Variants in PCDHA6 observed in about 807,000 individuals in gnomAD.
PCDHA6 encodes protocadherin alpha-6.
A neutral mutation model predicts 60.3 loss-of-function variants in PCDHA6; 55 were observed. The ratio of observed to expected loss-of-function variants is 0.91; its 90% CI spans 0.73 to 1.14. The LOEUF is 1.14. PCDHA6 is among the 50% of genes most tolerant of loss of function. The pLI is 0.00. For missense variants in PCDHA6, 1,327 were observed against 1,256.5 expected, an observed-to-expected ratio of 1.06 and a Z score of -0.85; for synonymous variants, 652 against 557.9, an observed-to-expected ratio of 1.17 and a Z score of -2.38.
Position 140,841,181 on chromosome 5 carries a change from CAA to C in PCDHA6, c.2394+10698_2394+10699del, listed in dbSNP as rs1777074399. The C allele has an allele frequency of 1.0e-5, 12 of 1,156,490 alleles. 1 individual carries two copies. The highest frequency in any genetic ancestry group is 1.6e-5 in the South Asian group (1 of 61,808). 71.6% of individuals were successfully genotyped at this position (1,156,490 alleles called of 1,614,324 possible). On this transcript the variant is annotated intron_variant, in intron 1 of 3. Transcript: ENST00000529310. ...CAAGAAGTTCTGGTTGGTCAATGTTCAAAGTCTTTTCTCTGACAGCATCTGTC... is the reference window on the plus strand; with the variant it reads ...CAAGAAGTTCTGGTTGGTCAATGTTCAGTCTTTTCTCTGACAGCATCTGTC...
chr5:140,841,942 G>T (rs2150326049), intron 1 of PCDHA6: 2 of 1,613,920 alleles, frequency 1.2e-6, no homozygotes, highest in Non-Finnish European at 1.7e-6. Flanking sequence ...ACGCTCCTGC[G>T]CACCACTTAT....
chr5:140,829,909 G>A lies in PCDHA6; in HGVS notation c.1818G>A (p.Trp606Ter). Residue 606 changes from tryptophan to a stop codon, truncating the protein, a stop_gained, in exon 1 of 4, where the codon TGG (tryptophan) becomes TGA (stop). Transcript: ENST00000529310. LOFTEE classifies it high-confidence loss of function. Reference sequence around the variant, plus strand: ...ACGCCGACTCAGGCTACAACGCGTGGCTTTCGTATGAGCTGCAGCCCCCGG... The same window carrying A: ...ACGCCGACTCAGGCTACAACGCGTGACTTTCGTATGAGCTGCAGCCCCCGG... ...AVDADSGYNA[W>*]LSYELQPPAS... 1 of 1,613,992 alleles carries A rather than the reference G, an allele frequency of 6.2e-7. No individual in the cohort carries two copies. Among genetic ancestry groups the A allele is most frequent in the Non-Finnish European group, 8.5e-7 (1 of 1,179,904 alleles).
chr5:140,896,432 G>C (rs2065542713), intron 1 of PCDHA6, among the ~76,000 whole-genome samples: 1 of 152,008 alleles, frequency 6.6e-6, no homozygotes, highest in African/African-American at 2.4e-5. Context: ...ATTCTGACTG[G>C]TGTGACTGCA....
chr5:140,862,343 A>G (rs1347322739), intron 1 of PCDHA6: 1 of 331,934 alleles, frequency 3.0e-6, no homozygotes, highest in Non-Finnish European at 5.9e-6. Flanking sequence ...CCCTAACTTC[A>G]GTGCCAAGGG....
intron 3 of PCDHA6, among the ~76,000 whole-genome samples, chr5:140,999,861 A>G (rs1181249308): frequency 6.6e-6 from 1 of 152,184 alleles, no homozygotes; most frequent in Non-Finnish European, 1.5e-5. Flanking sequence ...TTCCGCTCCA[A>G]GATTACTGAA....
At chr5:140,989,171 G>A (rs2097331816) in intron 3 of PCDHA6, among the ~76,000 whole-genome samples, 1 of 152,116 alleles carries the variant, frequency 6.6e-6, no homozygotes, top group African/African-American at 2.4e-5. Flanking sequence ...GCATAAAACA[G>A]GAGAGTTTCT....
chr5:140,851,967 A>G, intron 1 of PCDHA6: 1 of 977,046 alleles, frequency 1.0e-6, no homozygotes, highest in Non-Finnish European at 1.2e-6. Flanking sequence ...GGTTTTCCAC[A>G]CTCTACCTTT....
intron 1 of PCDHA6, chr5:140,927,763 G>C (rs1554205034): frequency 6.2e-7 from 1 of 1,614,198 alleles, no homozygotes; most frequent in African/African-American, 1.3e-5. Context: ...CCCTAAAAGT[G>C]GGGAGGTGCA....
In PCDHA6 at chr5:140,829,829, C is replaced by G. The variant is rs2150175564; in HGVS notation, c.1738C>G (p.Leu580Val). The G allele has an allele frequency of 1.2e-5, 19 of 1,613,904 alleles. No individual in the cohort carries two copies. In the East Asian group the frequency reaches 3.6e-4, roughly 30 times the overall value. ...TGGTACTGGTGGTGCAGTGAGCGAG[C>G]TGGTGCCGCGGTCACTGGGTGCAGG... The part of the protein sequence containing the change: ...VGGTGGAVSE[L>V]VPRSLGAGQV... Residue 580 changes from leucine to valine, a missense_variant, in exon 1 of 4, where the codon CTG becomes GTG. Transcript: ENST00000529310.
chr5:140,929,074 G>T, intron 1 of PCDHA6: 2 of 1,614,182 alleles, frequency 1.2e-6, no homozygotes, highest in South Asian at 2.2e-5. Flanking sequence ...TCTGAGGTAT[G>T]GAAGTAAGAT....
chr5:140,923,459 G>T (rs549692824), intron 1 of PCDHA6, among the ~76,000 whole-genome samples: 6 of 152,192 alleles, frequency 3.9e-5, no homozygotes, highest in Admixed American at 3.9e-4. Flanking sequence ...GCCCAGAGAG[G>T]TAGGGGCTGC....
At chr5:140,836,233 G>A in intron 1 of PCDHA6, 5 of 1,613,764 alleles carry the variant, frequency 3.1e-6, no homozygotes, top group Non-Finnish European at 4.2e-6. Flanking sequence ...GTGGCGGCCG[G>A]TGCGAGCATC....
chr5:140,906,804 C>T (rs1254520665), intron 1 of PCDHA6, among the ~76,000 whole-genome samples: 3 of 152,224 alleles, frequency 2.0e-5, no homozygotes, highest in Non-Finnish European at 4.4e-5. Context: ...CATACTCTTC[C>T]TTACCTCCAC....
intron 1 of PCDHA6, among the ~76,000 whole-genome samples, chr5:140,910,110 G>A (rs964418352): frequency 6.6e-6 from 1 of 152,194 alleles, no homozygotes; most frequent in South Asian, 2.1e-4. Flanking sequence ...TCATTTAAGG[G>A]ATTCTAGGTC....
intron 1 of PCDHA6, chr5:140,969,451 T>C (rs1016577934): frequency 3.3e-6 from 5 of 1,511,952 alleles, no homozygotes; most frequent in Non-Finnish European, 3.6e-6. Context: ...GTAAACTGAG[T>C]ATATATAGTA....
intron 1 of PCDHA6, among the ~76,000 whole-genome samples, chr5:140,938,308 T>C (rs1468853140): frequency 6.6e-6 from 1 of 152,212 alleles, no homozygotes; most frequent in Admixed American, 6.5e-5. Context: ...AAATTCAGTA[T>C]AAAATTGAAT....
At chr5:140,908,384 C>T (rs573373685) in intron 1 of PCDHA6, among the ~76,000 whole-genome samples, 2 of 152,172 alleles carry the variant, frequency 1.3e-5, no homozygotes, top group African/African-American at 2.4e-5. Flanking sequence ...TGCTCGAGCC[C>T]GATCACATAT....
rs200797202 is a variant in PCDHA6 at position 140,937,911 on chromosome 5, C to CA, written c.2395-41022dup. On this transcript the variant is annotated intron_variant, in intron 1 of 3. Coordinates refer to ENST00000529310, the MANE Select transcript of PCDHA6 (RefSeq NM_018909.4). ...TGGGCGACAGAGTGAGACTCCGTCT[C>CA]AAAAAAAAAAAAAAAAGTTTAATTT... 3.1e-3 allele frequency among the ~76,000 whole-genome samples: 361 copies of CA among 117,828 alleles called. 2 individuals are homozygous for CA. In the East Asian group the frequency reaches 0.042, roughly 14 times the overall value. 77.3% of individuals were successfully genotyped at this position (117,828 alleles called of 152,430 possible).
At chr5:140,932,287 T>C (rs1259585245) in intron 1 of PCDHA6, among the ~76,000 whole-genome samples, 2 of 151,896 alleles carry the variant, frequency 1.3e-5, no homozygotes, top group Admixed American at 6.6e-5. Context: ...AAAAACTGCA[T>C]TGACAATTTT....
Sources: allele counts gnomAD v4.1 joint callset (sites outside exome capture counted in the v4.1 genomes callset), GRCh38; gene constraint gnomAD v4.1.1; transcripts MANE v1.5; gene names NCBI Gene and HGNC (gene_info 2026-07-23, HGNC 2026-07-21).